The following DST variants were observed in gnomAD, a reference collection of about 807,000 sequenced individuals.
DST encodes the protein bullous pemphigoid antigen.
A neutral mutation model predicts 875.2 loss-of-function variants in DST; 253 were observed. The ratio of observed to expected loss-of-function variants is 0.29; its 90% CI spans 0.26 to 0.32. The LOEUF (loss-of-function observed/expected upper bound fraction) is 0.32, where lower values mean the gene tolerates loss of function less well. DST is among the 10% of genes least tolerant of loss of function. The pLI is 1.00. For missense variants in DST, 8,287 were observed against 9,111.6 expected (o/e 0.91, Z 3.68); for synonymous variants, 3,124 against 3,197.1 (o/e 0.98, Z 0.77).
chr6:56,712,814 T>C (rs1447538204), intron 5 of DST, among the ~76,000 whole-genome samples: 1 of 152,232 alleles, frequency 6.6e-6, no homozygotes, highest in Non-Finnish European at 1.5e-5. Context: ...TATTTAAATT[T>C]ATATCATGAT....
chr6:56,578,945 A>T lies in DST; in HGVS notation c.12904-8T>A. ...TATCTGTCCTTGCAAAGCCTGTAGGATTAAACGCTTTTCAATTATACTCAG... is the reference window on the plus strand; with the variant it reads ...TATCTGTCCTTGCAAAGCCTGTAGGTTTAAACGCTTTTCAATTATACTCAG... On this transcript the variant is annotated splice_polypyrimidine_tract_variant and splice_region_variant and intron_variant, in intron 49 of 103. Transcript: ENST00000680361. The T allele has an allele frequency of 6.3e-7, 1 of 1,579,576 alleles. No homozygotes were observed. The highest frequency in any genetic ancestry group is 8.6e-7 in the Non-Finnish European group (1 of 1,161,290).
intron 36 of DST, chr6:56,618,298 C>T: frequency 6.2e-7 from 1 of 1,614,144 alleles, no homozygotes; most frequent in Non-Finnish European, 8.5e-7. Context: ...GAGTCCATCT[C>T]AACAGAGGGG....
At chr6:56,891,047 A>G (rs1398486382) in intron 3 of DST, among the ~76,000 whole-genome samples, 1 of 152,244 alleles carries the variant, frequency 6.6e-6, no homozygotes. Context: ...TGGCTCTAGC[A>G]GGCACTACTG....
At chr6:56,486,231 C>T (rs1201611316) in intron 87 of DST, among the ~76,000 whole-genome samples, 3 of 151,676 alleles carry the variant, frequency 2.0e-5, no homozygotes, top group South Asian at 4.2e-4. Context: ...GGCGTAGTGG[C>T]GGACGCCTGT....
chr6:56,485,440 A>C lies in DST; in HGVS notation c.21079T>G (p.Ser7027Ala). The stretch of plus-strand genomic sequence containing the variant: ...TGTAGGGCATCTGTGAATTGTCCAG[A>C]AAATAACAGGGCTTCCTCCAATTTG... ...QNKLEEALLF[S>A]GQFTDALQAL... Residue 7027 changes from serine (S) to alanine (A), a missense_variant, in exon 88 of 104, where the codon TCT becomes GCT. Ser to Ala is a moderately conservative substitution (Grantham distance 99, BLOSUM62 1). Transcript: ENST00000680361. 1 of 1,613,930 alleles carries C rather than the reference A, an allele frequency of 6.2e-7. No individual in the cohort carries two copies. The highest frequency in any genetic ancestry group is 8.5e-7 in the Non-Finnish European group (1 of 1,179,840).
chr6:56,640,680 A>T, intron 17 of DST, 75 bp from the exon 18 acceptor site: 1 of 1,187,912 alleles, frequency 8.4e-7, no homozygotes, highest in Non-Finnish European at 1.2e-6. Context: ...AATGTTAATT[A>T]TAGGTTTTAG....
At chr6:56,589,182 T>C (rs1234093471) in intron 49 of DST, among the ~76,000 whole-genome samples, 2 of 152,206 alleles carry the variant, frequency 1.3e-5, no homozygotes, top group Non-Finnish European at 2.9e-5. Flanking sequence ...CATGGTTCTA[T>C]TAGAATATCC....
intron 36 of DST, chr6:56,616,488 T>TC: frequency 1.9e-6 from 3 of 1,614,134 alleles, no homozygotes; most frequent in Non-Finnish European, 1.7e-6. Flanking sequence ...TTGGAAATGT[T>TC]CCTCTCCCCA....
At chr6:56,835,120 T>C (rs1291101970) in intron 4 of DST, among the ~76,000 whole-genome samples, 1 of 152,196 alleles carries the variant, frequency 6.6e-6, no homozygotes, top group African/African-American at 2.4e-5. Flanking sequence ...ATTCCAACTA[T>C]ATGACATTCT....
At chr6:56,519,947 T>G (rs1333632647) in intron 69 of DST, among the ~76,000 whole-genome samples, 1 of 152,182 alleles carries the variant, frequency 6.6e-6, no homozygotes, top group Non-Finnish European at 1.5e-5. Context: ...GCAGCCATGA[T>G]AAAAATGCTT....
At chr6:56,507,168 A>G (rs1562439521) in intron 75 of DST, among the ~76,000 whole-genome samples, 1 of 152,230 alleles carries the variant, frequency 6.6e-6, no homozygotes, top group Non-Finnish European at 1.5e-5. Flanking sequence ...ACAAATTAAT[A>G]TATTTGTTAG....
chr6:56,550,624 C>G (rs2097306077), intron 61 of DST, among the ~76,000 whole-genome samples: 1 of 152,180 alleles, frequency 6.6e-6, no homozygotes, highest in Non-Finnish European at 1.5e-5. Flanking sequence ...AGTATTATTA[C>G]TTTGTCCATT....
intron 4 of DST, among the ~76,000 whole-genome samples, chr6:56,801,125 G>T (rs2099746269): frequency 7.1e-6 from 1 of 140,152 alleles, no homozygotes; most frequent in South Asian, 2.1e-4. Context: ...TTGCCCCAAA[G>T]AATTTTTAAC....
chr6:56,552,405 T>C lies in DST; in HGVS notation c.16387A>G (p.Lys5463Glu). Residue 5463 changes from lysine (K) to glutamate (E), a missense_variant, in exon 61 of 104, where the codon AAA becomes GAA. By Grantham distance (56) the Lys-to-Glu change is moderately conservative (BLOSUM62 1). Around this residue, in one of 10 missense-constraint regions of DST, gnomAD observed 777 missense variants for 764.8 expected, o/e 1.02. Transcript: ENST00000680361. Reference protein sequence around the residue: ...EETSPDLVGIKRDLEALSKQC... With the variant: ...EETSPDLVGIERDLEALSKQC... ...TTGCTTAAGGCCTCCAAGTCCCTTT[T>C]GATTCCAACAAGGTCAGGAGAGGTT... 6.2e-7 allele frequency: 1 copy of C among 1,614,020 alleles called. No homozygotes were observed. The highest frequency in any genetic ancestry group is 1.1e-5 in the South Asian group (1 of 91,078).
At position 56,526,492 on chromosome 6, in the gene DST, G is replaced by C. The variant is rs1313761547; in HGVS notation, c.17998C>G (p.Leu6000Val). 1.9e-6 allele frequency: 3 copies of C among 1,613,850 alleles called. No individual in the cohort carries two copies. Among genetic ancestry groups the C allele is most frequent in the Non-Finnish European group, 2.5e-6 (3 of 1,179,806 alleles). Residue 6000 changes from leucine (L) to valine (V), a missense_variant, in exon 69 of 104, where the codon CTG becomes GTG. Physicochemically the swap from Leu to Val is conservative, Grantham distance 32. Transcript: ENST00000680361. ...CCTTCTCTTGCCCTCCATGGTACCAGTTCCAGCAAAGCACTGCTCACTTCA... is the reference window on the plus strand; with the variant it reads ...CCTTCTCTTGCCCTCCATGGTACCACTTCCAGCAAAGCACTGCTCACTTCA... ...LNEVSSALLE[L>V]VPWRAREGLE...
At chr6:56,618,373 C>T (rs1348231725) in intron 36 of DST, 1 of 1,614,146 alleles carries the variant, frequency 6.2e-7, no homozygotes, top group Non-Finnish European at 8.5e-7. Context: ...GCTGGCACTC[C>T]TTCACTGTCA....
chr6:56,866,862 GCAC>G (rs1774375613), intron 3 of DST, among the ~76,000 whole-genome samples: 4 of 152,164 alleles, frequency 2.6e-5, no homozygotes, highest in Non-Finnish European at 1.5e-5. Flanking sequence ...TTTTGCAAAA[GCAC>G]CCATACTAAC....
chr6:56,478,891 A>G (rs1189688035), intron 90 of DST, among the ~76,000 whole-genome samples: 1 of 152,246 alleles, frequency 6.6e-6, no homozygotes, highest in African/African-American at 2.4e-5. Context: ...CCCAAAAGCA[A>G]ATGTGACAAA....
intron 4 of DST, among the ~76,000 whole-genome samples, chr6:56,780,895 A>G (rs1213681743): frequency 6.6e-6 from 1 of 152,128 alleles, no homozygotes; most frequent in Non-Finnish European, 1.5e-5. Context: ...TCTTGAATTA[A>G]TTTTTGTATA....
Sources: allele counts gnomAD v4.1 joint callset (sites outside exome capture counted in the v4.1 genomes callset), GRCh38; gene constraint gnomAD v4.1.1; regional missense constraint gnomAD v4.1.1; transcripts MANE v1.5; gene names NCBI Gene and HGNC (gene_info 2026-07-23, HGNC 2026-07-21).